SPATA16: variants seen among roughly 807,000 people sequenced by gnomAD.
SPATA16 encodes the protein spermatogenesis associated 16.
A neutral mutation model predicts 63.3 loss-of-function variants in SPATA16; 36 were observed. The observed-to-expected ratio is 0.57, with a 90% CI of 0.44 to 0.75. SPATA16 has a LOEUF of 0.75. Ranked by LOEUF, SPATA16 falls within the 30% of genes least tolerant of loss-of-function variation. The probability of loss-of-function intolerance (pLI) is 0.00; values close to 1 mark genes in which losing one functional copy is unlikely to be tolerated. For synonymous variants in SPATA16, 203 were observed against 216.7 expected (o/e 0.94, Z 0.56); for missense variants, 646 against 679.3 (o/e 0.95, Z 0.54).
intron 8 of SPATA16, among the ~76,000 whole-genome samples, chr3:172,920,667 T>C (rs1385102378): frequency 6.6e-6 from 1 of 152,186 alleles, no homozygotes; most frequent in African/African-American, 2.4e-5. Flanking sequence ...AAGTTAACTT[T>C]TTTCTAATTA....
At chr3:172,981,236 C>G (rs1166170827) in intron 4 of SPATA16, among the ~76,000 whole-genome samples, 4 of 152,166 alleles carry the variant, frequency 2.6e-5, no homozygotes. Flanking sequence ...ACCTGGATTA[C>G]TGCAACGGCC....
chr3:173,044,774 G>GT (rs1735920013), intron 3 of SPATA16, among the ~76,000 whole-genome samples: 1 of 151,928 alleles, frequency 6.6e-6, no homozygotes, highest in Non-Finnish European at 1.5e-5. Context: ...AGGTTTTTTT[G>GT]TTTTTGTTTT....
chr3:173,125,803 T>C (rs1267347764), intron 1 of SPATA16, among the ~76,000 whole-genome samples: 1 of 152,234 alleles, frequency 6.6e-6, no homozygotes, highest in Admixed American at 6.5e-5. Context: ...GACTGCACTT[T>C]GTATACTTAG....
intron 10 of SPATA16, 133 bp from the exon 11 acceptor site, chr3:172,889,825 AAT>A (rs1213301344): frequency 7.9e-7 from 1 of 1,264,686 alleles, no homozygotes; most frequent in Non-Finnish European, 1.1e-6. Context: ...CAGAAACAGA[AAT>A]GATTACACAT....
At chr3:172,983,111 T>C (rs1734359422) in intron 4 of SPATA16, among the ~76,000 whole-genome samples, 1 of 152,200 alleles carries the variant, frequency 6.6e-6, no homozygotes, top group Admixed American at 6.5e-5. Context: ...GACATTGCTC[T>C]GCTCTCCTCA....
intron 4 of SPATA16, among the ~76,000 whole-genome samples, chr3:172,983,969 C>T (rs1734382824): frequency 6.6e-6 from 1 of 151,734 alleles, no homozygotes; most frequent in Non-Finnish European, 1.5e-5. Flanking sequence ...CTGGCCCCGC[C>T]CTGCTATTCC....
Position 172,907,573 on chromosome 3 carries a change from G to GT in SPATA16, c.1587+6087dup, listed in dbSNP as rs530021881. Among the ~76,000 whole-genome samples the GT allele has an allele frequency of 3.7e-4, 53 of 144,586 alleles. No individual in the cohort carries two copies. The East Asian group carries it at 7.5e-3, about 21-fold the overall frequency. 94.9% of individuals were successfully genotyped at this position (144,586 alleles called of 152,430 possible). A position where few individuals can be genotyped will look rare whatever the true frequency, so the allele number is the denominator to read the frequency against. The stretch of plus-strand genomic sequence containing the variant: ...GGCACACTCCAATCTCAGGTTTGGT[G>GT]TTTTTTTTGTTTTTTTTTTGAGACA... On this transcript the variant is annotated intron_variant, in intron 10 of 10. Coordinates refer to ENST00000351008, the MANE Select transcript of SPATA16 (RefSeq NM_031955.6).
In SPATA16 at chr3:173,013,577, G is replaced by C. The variant is rs1000763503; in HGVS notation, c.848+5909C>G. On this transcript the variant is annotated intron_variant, in intron 4 of 10. Coordinates refer to ENST00000351008, the MANE Select transcript of SPATA16 (RefSeq NM_031955.6). Reference sequence around the variant, plus strand: ...AGTGGCCTGAAAGCAGGGATACAGAGGCGGGACAAAGACAGTTAATCAAAT... The same window carrying C: ...AGTGGCCTGAAAGCAGGGATACAGACGCGGGACAAAGACAGTTAATCAAAT... 3.9e-5 allele frequency among the ~76,000 whole-genome samples: 6 copies of C among 152,244 alleles called. No individual in the cohort carries two copies. In the South Asian group the frequency reaches 1.2e-3, roughly 32 times the overall value.
At chr3:173,106,377 C>G (rs1439561611) in intron 2 of SPATA16, among the ~76,000 whole-genome samples, 1 of 152,096 alleles carries the variant, frequency 6.6e-6, no homozygotes, top group Non-Finnish European at 1.5e-5. Context: ...AAAATCAACA[C>G]GTGGATTATG....
At chr3:172,917,705 C>T (rs1031963432) in intron 8 of SPATA16, among the ~76,000 whole-genome samples, 14 of 152,266 alleles carry the variant, frequency 9.2e-5, no homozygotes, top group African/African-American at 2.6e-4. Context: ...TTTTGGTTTG[C>T]GCATACTTAT....
chr3:173,062,101 G>A (rs1205369923), intron 2 of SPATA16, among the ~76,000 whole-genome samples: 3 of 139,670 alleles, frequency 2.1e-5, no homozygotes, highest in Middle Eastern at 4.5e-3. Flanking sequence ...TGTGGCCACC[G>A]TGGGTTCATT....
At chr3:173,118,482 CTT>C (rs906232475) in intron 1 of SPATA16, among the ~76,000 whole-genome samples, 4 of 152,136 alleles carry the variant, frequency 2.6e-5, no homozygotes, top group African/African-American at 7.2e-5. Context: ...ATGTAACAGT[CTT>C]TTGATTCCAA....
At chr3:172,933,938 A>T (rs1194648706) in intron 6 of SPATA16, among the ~76,000 whole-genome samples, 2 of 152,230 alleles carry the variant, frequency 1.3e-5, no homozygotes, top group Non-Finnish European at 2.9e-5. Context: ...TTTAAGAAAA[A>T]TAACAGTTGG....
chr3:172,990,912 A>C (rs16846382), intron 4 of SPATA16, among the ~76,000 whole-genome samples: 2 of 152,106 alleles, frequency 1.3e-5, no homozygotes, highest in Non-Finnish European at 2.9e-5. Flanking sequence ...TGGTCAAACC[A>C]TGCTTGACTA....
intron 2 of SPATA16, among the ~76,000 whole-genome samples, chr3:173,102,478 A>G (rs935896314): frequency 8.5e-5 from 13 of 152,226 alleles, no homozygotes; most frequent in Non-Finnish European, 1.6e-4. Context: ...AAGGCTAAGC[A>G]GGAGCAAGTA....
intron 5 of SPATA16, among the ~76,000 whole-genome samples, chr3:172,976,512 A>G (rs981930693): frequency 1.3e-5 from 2 of 152,114 alleles, no homozygotes; most frequent in Admixed American, 6.5e-5. Flanking sequence ...GAGAAACAAG[A>G]TCTGCAATTT....
intron 2 of SPATA16, among the ~76,000 whole-genome samples, chr3:173,054,257 C>T (rs189152055): frequency 2.0e-5 from 3 of 152,116 alleles, no homozygotes; most frequent in Non-Finnish European, 4.4e-5. Flanking sequence ...GAATAAAAAA[C>T]ACAGGACCCA....
At chr3:173,094,454 T>A (rs1200549098) in intron 2 of SPATA16, among the ~76,000 whole-genome samples, 1 of 152,174 alleles carries the variant, frequency 6.6e-6, no homozygotes, top group African/African-American at 2.4e-5. Context: ...AGGATAGATA[T>A]ATATTTCCCA....
intron 6 of SPATA16, among the ~76,000 whole-genome samples, chr3:172,931,540 G>T (rs1732872694): frequency 1.3e-5 from 2 of 152,174 alleles, no homozygotes; most frequent in Non-Finnish European, 2.9e-5. Context: ...GAGCCACTGT[G>T]CCTGGCCACA....
Sources: gnomAD v4.1 joint callset for allele counts (sites outside exome capture counted in the v4.1 genomes callset) on GRCh38, gnomAD v4.1.1 for gene constraint, MANE v1.5 for transcripts, NCBI Gene and HGNC (gene_info 2026-07-23, HGNC 2026-07-21) for gene names.